Variants in DOK5 observed in about 807,000 individuals in gnomAD.
DOK5 encodes docking protein 5, also known as downstream of tyrosine kinase 5.
Under a neutral mutation model 43.3 loss-of-function variants are expected in DOK5, and 27 were observed. That is an observed-to-expected ratio of 0.62 (90% CI 0.46 to 0.86). DOK5 has a LOEUF of 0.86. Ranked by LOEUF, DOK5 falls within the 40% of genes least tolerant of loss-of-function variation. DOK5 has a pLI of 0.00. For synonymous variants in DOK5, 146 were observed against 140.1 expected (o/e 1.04, Z -0.30); for missense variants, 373 against 392.9 (o/e 0.95, Z 0.43).
At chr20:54,575,871 G>A in intron 2 of DOK5, among the ~76,000 whole-genome samples, 1 of 152,160 alleles carries the variant, frequency 6.6e-6, no homozygotes, top group East Asian at 1.9e-4. Context: ...ATAAAGAGAG[G>A]ATAAATCCAA....
chr20:54,634,889 A>G (rs1978751406), intron 6 of DOK5, among the ~76,000 whole-genome samples: 1 of 152,156 alleles, frequency 6.6e-6, no homozygotes, highest in African/African-American at 2.4e-5. Flanking sequence ...AACTATCACA[A>G]TTGATTCCAA....
At chr20:54,483,757 G>A (rs113662569) in intron 1 of DOK5, among the ~76,000 whole-genome samples, 43 of 152,312 alleles carry the variant, frequency 2.8e-4, no homozygotes, top group African/African-American at 9.9e-4. Flanking sequence ...CATGATATAT[G>A]TGAATGTTTA....
At chr20:54,558,450 G>A (rs770032660) in intron 2 of DOK5, among the ~76,000 whole-genome samples, 1 of 152,152 alleles carries the variant, frequency 6.6e-6, no homozygotes, top group Non-Finnish European at 1.5e-5. Context: ...AGCCCTTGAT[G>A]AATTCCTGTA....
intron 1 of DOK5, among the ~76,000 whole-genome samples, chr20:54,541,026 C>T (rs1984139252): frequency 6.6e-6 from 1 of 151,990 alleles, no homozygotes; most frequent in South Asian, 2.1e-4. Context: ...GCTCAATATC[C>T]CCATCCCCAA....
intron 6 of DOK5, among the ~76,000 whole-genome samples, chr20:54,618,414 G>A (rs1318488684): frequency 6.6e-6 from 1 of 151,394 alleles, no homozygotes; most frequent in Non-Finnish European, 1.5e-5. Flanking sequence ...CATGATCTCA[G>A]CTCACTGAAA....
intron 4 of DOK5, among the ~76,000 whole-genome samples, chr20:54,590,544 A>T (rs945860484): frequency 6.6e-6 from 1 of 152,118 alleles, no homozygotes; most frequent in African/African-American, 2.4e-5. Flanking sequence ...ATTAGAATAC[A>T]TTTTTAAATA....
At chr20:54,500,630 C>T (rs1047073139) in intron 1 of DOK5, among the ~76,000 whole-genome samples, 1 of 145,404 alleles carries the variant, frequency 6.9e-6, no homozygotes, top group East Asian at 2.0e-4. Flanking sequence ...GGCACGATCT[C>T]GGCTCACCAC....
intron 1 of DOK5, among the ~76,000 whole-genome samples, chr20:54,496,509 T>G (rs1982398281): frequency 6.6e-6 from 1 of 152,192 alleles, no homozygotes; most frequent in Admixed American, 6.5e-5. Context: ...GGCTCATGCC[T>G]GTAATCCCAG....
At chr20:54,570,198 A>G (rs1054497519) in intron 2 of DOK5, among the ~76,000 whole-genome samples, 4 of 152,228 alleles carry the variant, frequency 2.6e-5, no homozygotes, top group African/African-American at 9.6e-5. Flanking sequence ...TTATTAGAGT[A>G]TTTTAGAGTA....
At chr20:54,646,504 C>T (rs1399089275) in intron 7 of DOK5, among the ~76,000 whole-genome samples, 5 of 152,018 alleles carry the variant, frequency 3.3e-5, no homozygotes, top group African/African-American at 4.8e-5. Flanking sequence ...CCTCCTGCCT[C>T]GGCCTCCCAA....
At chr20:54,619,560 AG>A (rs1986920179) in intron 6 of DOK5, among the ~76,000 whole-genome samples, 1 of 152,104 alleles carries the variant, frequency 6.6e-6, no homozygotes, top group Non-Finnish European at 1.5e-5. Context: ...GGGTGGGGTG[AG>A]GGGGCCCCAC....
intron 7 of DOK5, among the ~76,000 whole-genome samples, chr20:54,644,717 A>C (rs113243653): frequency 8.8e-5 from 6 of 68,024 alleles, no homozygotes; most frequent in East Asian, 7.2e-4. Flanking sequence ...AAAAAAAAAA[A>C]AAAAAAACAA....
intron 1 of DOK5, among the ~76,000 whole-genome samples, chr20:54,480,937 A>T (rs1981649507): frequency 8.7e-6 from 1 of 115,218 alleles, no homozygotes; most frequent in African/African-American, 4.0e-5. Flanking sequence ...ATCATCTATC[A>T]TCTATCTATC....
At chr20:54,481,515 C>T (rs1171726486) in intron 1 of DOK5, among the ~76,000 whole-genome samples, 1 of 152,090 alleles carries the variant, frequency 6.6e-6, no homozygotes, top group Non-Finnish European at 1.5e-5. Context: ...TCCTTCTTTC[C>T]CTGCCCCTTT....
intron 6 of DOK5, among the ~76,000 whole-genome samples, chr20:54,637,329 T>C (rs1327365173): frequency 6.6e-6 from 1 of 152,240 alleles, no homozygotes; most frequent in African/African-American, 2.4e-5. Context: ...CATGCATTCA[T>C]GCTGTTTAGA....
intron 6 of DOK5, among the ~76,000 whole-genome samples, chr20:54,613,216 C>G: frequency 6.6e-6 from 1 of 151,634 alleles, no homozygotes; most frequent in East Asian, 1.9e-4. Context: ...CTCTCTCTCT[C>G]TCGTCACCTC....
At chr20:54,582,536 T>G (rs1298589167) in intron 2 of DOK5, among the ~76,000 whole-genome samples, 1 of 151,510 alleles carries the variant, frequency 6.6e-6, no homozygotes, top group African/African-American at 2.4e-5. Flanking sequence ...GTTGGAAGAT[T>G]TATGATTAAT....
intron 3 of DOK5, 38 bp from the exon 4 acceptor site, chr20:54,588,649 G>T: frequency 6.2e-7 from 1 of 1,614,108 alleles, no homozygotes; most frequent in Non-Finnish European, 8.5e-7. Context: ...CTGAATGGAT[G>T]CTGGGCACAC....
intron 2 of DOK5, among the ~76,000 whole-genome samples, chr20:54,585,178 G>A (rs929947556): frequency 6.6e-6 from 1 of 152,034 alleles, no homozygotes; most frequent in Non-Finnish European, 1.5e-5. Context: ...GTGTGTGTGT[G>A]TGCACATGCC....
Sources: allele counts gnomAD v4.1 joint callset (sites outside exome capture counted in the v4.1 genomes callset), GRCh38; gene constraint gnomAD v4.1.1; transcripts MANE v1.5; gene names NCBI Gene and HGNC (gene_info 2026-07-23, HGNC 2026-07-21).